The following CSNK1G1 variants were observed in gnomAD, a reference collection of about 807,000 sequenced individuals.
The protein encoded by CSNK1G1 is casein kinase I isoform gamma-1.
In CSNK1G1, 22 loss-of-function variants were observed where a neutral mutation model predicts 59.6. The observed-to-expected ratio is 0.37, with a 90% CI of 0.26 to 0.53. The LOEUF (loss-of-function observed/expected upper bound fraction) is 0.53. Among genes scored for constraint, CSNK1G1 ranks in the 20% least tolerant of loss-of-function variants. The pLI, the probability that CSNK1G1 is intolerant of heterozygous loss-of-function variation, is 0.89. For missense variants in CSNK1G1, 384 were observed against 519.5 expected (o/e 0.74, Z 2.54); for synonymous variants, 179 against 177.1 (o/e 1.01, Z -0.08).
intron 4 of CSNK1G1, among the ~76,000 whole-genome samples, chr15:64,220,598 G>A (rs1201538862): frequency 6.6e-6 from 1 of 151,820 alleles, no homozygotes; most frequent in Non-Finnish European, 1.5e-5. Context: ...CTGGGTTCAA[G>A]CTTTTCTCTT....
At chr15:64,282,142 T>C (rs1455652807) in intron 2 of CSNK1G1, among the ~76,000 whole-genome samples, 1 of 152,064 alleles carries the variant, frequency 6.6e-6, no homozygotes, top group Non-Finnish European at 1.5e-5. Flanking sequence ...TTGTCCAGGT[T>C]GGTCTCAAAT....
chr15:64,269,932 C>A (rs1327169167), intron 2 of CSNK1G1, among the ~76,000 whole-genome samples: 2 of 152,108 alleles, frequency 1.3e-5, no homozygotes, highest in African/African-American at 4.8e-5. Flanking sequence ...GCCTCCCCAG[C>A]AGCTGAAATT....
rs115992984 is a variant in CSNK1G1 at position 64,229,271 on chromosome 15, C to T, written c.293-12558G>A. On this transcript the variant is annotated intron_variant, in intron 4 of 11. Transcript: ENST00000303052. The stretch of plus-strand genomic sequence containing the variant: ...CCTGGTCTGCATCCTTTTGTTCCTT[C>T]TGATAACACCACCTTATTCTTACAG... Among the ~76,000 whole-genome samples the T allele has an allele frequency of 8.3e-3, 1,263 of 152,258 alleles. 17 individuals carry two copies. The highest frequency in any genetic ancestry group is 0.029 in the African/African-American group (1,184 of 41,538).
chr15:64,341,488 G>A (rs1412259050), intron 1 of CSNK1G1, among the ~76,000 whole-genome samples: 3 of 152,098 alleles, frequency 2.0e-5, no homozygotes, highest in Non-Finnish European at 4.4e-5. Context: ...TGGTTGGTTG[G>A]TTTCAAAGAC....
At chr15:64,270,991 A>G (rs1893270508) in intron 2 of CSNK1G1, among the ~76,000 whole-genome samples, 1 of 151,502 alleles carries the variant, frequency 6.6e-6, no homozygotes, top group African/African-American at 2.4e-5. Context: ...TTATTTATTT[A>G]TTTATTTTTG....
intron 4 of CSNK1G1, among the ~76,000 whole-genome samples, chr15:64,231,881 T>A (rs1336847019): frequency 4.6e-5 from 7 of 152,218 alleles, no homozygotes; most frequent in African/African-American, 1.4e-4. Flanking sequence ...ATGAACATAC[T>A]GTAAGCTCAG....
intron 10 of CSNK1G1, chr15:64,194,953 T>C (rs2082020909): frequency 6.6e-6 from 1 of 152,236 alleles, no homozygotes; most frequent in Non-Finnish European, 1.5e-5. Flanking sequence ...CGTTTATTTT[T>C]CCGTGTATTA....
At chr15:64,202,670 A>G (rs1017661162) in intron 10 of CSNK1G1, among the ~76,000 whole-genome samples, 4 of 151,668 alleles carry the variant, frequency 2.6e-5, no homozygotes, top group Admixed American at 1.3e-4. Context: ...CTCCCACCTC[A>G]GCCTCCAAAG....
intron 1 of CSNK1G1, among the ~76,000 whole-genome samples, chr15:64,301,205 AAC>A (rs1387326462): frequency 2.0e-5 from 3 of 152,174 alleles, no homozygotes; most frequent in East Asian, 1.9e-4. Context: ...GTTACCAATC[AAC>A]ACAGACAACC....
intron 2 of CSNK1G1, among the ~76,000 whole-genome samples, chr15:64,270,527 A>T (rs765138857): frequency 7.2e-5 from 11 of 152,142 alleles, no homozygotes; most frequent in Non-Finnish European, 1.5e-4. Flanking sequence ...TGGGAGGCCG[A>T]GATGGGCGGA....
intron 1 of CSNK1G1, among the ~76,000 whole-genome samples, chr15:64,311,788 G>A (rs1223349487): frequency 1.3e-5 from 2 of 151,986 alleles, no homozygotes; most frequent in Admixed American, 6.6e-5. Flanking sequence ...GCTGAGGCAC[G>A]GGAATTGCTT....
At chr15:64,320,678 C>CAAAAA (rs1031206646) in intron 1 of CSNK1G1, among the ~76,000 whole-genome samples, 2 of 43,128 alleles carry the variant, frequency 4.6e-5, no homozygotes, top group Non-Finnish European at 5.2e-5. Context: ...GGCTCCATCA[C>CAAAAA]AAAAAAAAAA....
Position 64,200,021 on chromosome 15 carries a change from G to C in CSNK1G1, c.1107+3061C>G, listed in dbSNP as rs1019629096. Among the ~76,000 whole-genome samples the C allele has an allele frequency of 2.6e-5, 4 of 152,132 alleles. No homozygotes were observed. The highest frequency in any genetic ancestry group is 7.2e-5 in the African/African-American group (3 of 41,444). On this transcript the variant is annotated intron_variant, in intron 10 of 11. Coordinates refer to ENST00000303052, the MANE Select transcript of CSNK1G1 (RefSeq NM_022048.5). This position sits in a 1 kb window ranked among gnomAD's most constrained non-coding sequence, Gnocchi z 4.3. ...GCACTTTGTGAGGCTGAGGCAGGTG[G>C]ATCACCTGAGGTTAGGAGTTCCAGA...
At chr15:64,324,751 A>G (rs1318263878) in intron 1 of CSNK1G1, among the ~76,000 whole-genome samples, 1 of 152,166 alleles carries the variant, frequency 6.6e-6, no homozygotes, top group East Asian at 1.9e-4. Context: ...CTTCTAGAGA[A>G]CCCTGACTAA....
intron 10 of CSNK1G1, among the ~76,000 whole-genome samples, chr15:64,196,671 C>T (rs1190373171): frequency 1.3e-5 from 2 of 151,910 alleles, no homozygotes; most frequent in Admixed American, 6.6e-5. Context: ...AGGCTGGTCT[C>T]GAACTCTCGA....
chr15:64,344,326 A>G (rs1897831108), intron 1 of CSNK1G1, among the ~76,000 whole-genome samples: 1 of 152,304 alleles, frequency 6.6e-6, no homozygotes, highest in South Asian at 2.1e-4. Context: ...TAGTTTTTAC[A>G]TAACACTCTA....
intron 1 of CSNK1G1, chr15:64,348,493 A>G (rs1364261867): frequency 6.6e-6 from 1 of 152,228 alleles, no homozygotes; most frequent in African/African-American, 2.4e-5. Context: ...ATTAATGAAA[A>G]AAACACAATA....
intron 1 of CSNK1G1, chr15:64,342,819 A>C (rs1172690574): frequency 1.3e-5 from 2 of 152,238 alleles, no homozygotes; most frequent in African/African-American, 4.8e-5. Flanking sequence ...AGCAGTTCCC[A>C]AACTTTGAGT....
In CSNK1G1 at chr15:64,165,989, T is replaced by C. The variant is rs2081598381; in HGVS notation, c.*5942A>G. On this transcript the variant is annotated 3_prime_UTR_variant, in exon 12 of 12. Coordinates refer to ENST00000303052, the MANE Select transcript of CSNK1G1 (RefSeq NM_022048.5). ...CTGGAGGAACCATTTCAAATACACT[T>C]GAAATTGACATTCATGTTTAAAAAT... 1.5e-6 allele frequency: 1 copy of C among 678,032 alleles called. No individual in the cohort carries two copies. The highest frequency in any genetic ancestry group is 2.7e-6 in the Non-Finnish European group (1 of 375,754). The allele number at this position is 678,032 out of a possible 1,614,324, so 42.0% of individuals were successfully genotyped here.
Sources: allele counts gnomAD v4.1 joint callset (sites outside exome capture counted in the v4.1 genomes callset), GRCh38; gene constraint gnomAD v4.1.1; non-coding constraint Gnocchi (gnomAD v3.1); transcripts MANE v1.5; gene names NCBI Gene and HGNC (gene_info 2026-07-23, HGNC 2026-07-21).